Variants in ITGB1 observed in about 807,000 individuals in gnomAD.
ITGB1 encodes integrin subunit beta 1, also known as integrin beta-1.
In ITGB1, 24 loss-of-function variants were observed where a neutral mutation model predicts 86.5. The ratio of observed to expected loss-of-function variants is 0.28; its 90% CI spans 0.20 to 0.39. The LOEUF (loss-of-function observed/expected upper bound fraction) is 0.39. ITGB1 is among the 10% of genes least tolerant of loss of function. The pLI is 1.00. For missense variants in ITGB1, 556 were observed against 946.9 expected (o/e 0.59, Z 5.42); for synonymous variants, 323 against 316.8 (o/e 1.02, Z -0.21).
intron 1 of ITGB1, among the ~76,000 whole-genome samples, chr10:32,956,655 C>T (rs983122295): frequency 2.6e-5 from 4 of 152,150 alleles, no homozygotes; most frequent in Admixed American, 2.6e-4. Flanking sequence ...CTGCAGTGAG[C>T]TGTGATGGCT....
intron 1 of ITGB1, among the ~76,000 whole-genome samples, chr10:32,948,591 G>A (rs550152101): frequency 7.2e-5 from 11 of 152,274 alleles, no homozygotes; most frequent in African/African-American, 2.6e-4. Context: ...GAGGTGATAA[G>A]GTCATGAGGG....
At chr10:32,930,444 A>G (rs1157771315) in intron 3 of ITGB1, among the ~76,000 whole-genome samples, 1 of 152,150 alleles carries the variant, frequency 6.6e-6, no homozygotes, top group Non-Finnish European at 1.5e-5. Context: ...AGCGTCTCAT[A>G]TTATGTGGCA....
At position 32,920,056 on chromosome 10, in the gene ITGB1, T is replaced by C; in HGVS notation, c.1298A>G (p.Asn433Ser). 1 of 1,614,016 alleles carries C rather than the reference T, an allele frequency of 6.2e-7. No individual in the cohort carries two copies. The highest frequency in any genetic ancestry group is 1.7e-5 in the Admixed American group (1 of 60,028). ...EVQFEISITS[N>S]KCPKKDSDSF... is the part of the protein sequence containing the mutation. ...GTCAGAATCCTTTTTTGGACACTTA[T>C]TTGAAGTTATGCTAATTTCAAATTG... Residue 433 changes from asparagine (N) to serine (S), a missense_variant, in exon 11 of 16, where the codon AAT becomes AGT. Asn to Ser is a conservative substitution (Grantham distance 46). This residue lies in a region of ITGB1 where 330 missense variants were observed against 531.5 expected (regional missense o/e 0.62). Transcript: ENST00000302278.
At chr10:32,942,009 T>C (rs1475023124) in intron 1 of ITGB1, among the ~76,000 whole-genome samples, 1 of 151,860 alleles carries the variant, frequency 6.6e-6, no homozygotes, top group Non-Finnish European at 1.5e-5. Context: ...GACATGAGAG[T>C]TGTCATAATC....
At position 32,938,054 on chromosome 10, in the gene ITGB1, C is replaced by G. The variant is rs75854930; in HGVS notation, c.1-2496G>C. 2.8e-3 allele frequency among the ~76,000 whole-genome samples: 421 copies of G among 152,310 alleles called. 3 individuals carry two copies. Among genetic ancestry groups the G allele is most frequent in the Non-Finnish European group, 4.8e-3 (329 of 68,026 alleles). On this transcript the variant is annotated intron_variant, in intron 1 of 15. Transcript: ENST00000302278. ...TGCTCAGCCCAGCAGGCTGTTATGC[C>G]TGAGCTTGCAGTTTTGCTTACATAT...
intron 5 of ITGB1, among the ~76,000 whole-genome samples, chr10:32,926,492 T>A (rs905728719): frequency 1.3e-5 from 2 of 152,136 alleles, no homozygotes; most frequent in African/African-American, 4.8e-5. Flanking sequence ...CTGACCACAG[T>A]GAGTGAGTTC....
chr10:32,942,032 G>C (rs545601510), intron 1 of ITGB1, among the ~76,000 whole-genome samples: 1 of 152,220 alleles, frequency 6.6e-6, no homozygotes, highest in East Asian at 1.9e-4. Flanking sequence ...GGTGCTAACC[G>C]AACTTATGAA....
At chr10:32,951,841 A>T (rs1269330128) in intron 1 of ITGB1, 1 of 152,190 alleles carries the variant, frequency 6.6e-6, no homozygotes, top group East Asian at 1.9e-4. Context: ...TTGTGAGTGG[A>T]GCCAGCAAAA....
intron 13 of ITGB1, 86 bp downstream of exon 13, chr10:32,911,362 G>T: frequency 1.8e-6 from 2 of 1,103,216 alleles, no homozygotes; most frequent in Non-Finnish European, 1.4e-6. Context: ...TTTTAATATT[G>T]GCACTGTTCT....
At chr10:32,909,400 A>T (rs1217631987) in intron 14 of ITGB1, among the ~76,000 whole-genome samples, 1 of 152,206 alleles carries the variant, frequency 6.6e-6, no homozygotes, top group African/African-American at 2.4e-5. Flanking sequence ...AAAACAGAGG[A>T]GAAAAATCCT....
intron 15 of ITGB1, chr10:32,906,421 C>A: frequency 5.0e-6 from 1 of 200,240 alleles, no homozygotes; most frequent in East Asian, 1.8e-4. Flanking sequence ...GAAACCCCAT[C>A]TCTACTAAAA....
intron 13 of ITGB1, among the ~76,000 whole-genome samples, chr10:32,910,917 T>C (rs570291213): frequency 6.6e-6 from 1 of 152,242 alleles, no homozygotes; most frequent in South Asian, 2.1e-4. Flanking sequence ...TTTTGTATTT[T>C]TAGTAGAGAT....
At chr10:32,928,289 T>C (rs1428295130) in intron 4 of ITGB1, 25 bp from the exon 5 acceptor site, 2 of 816,192 alleles carry the variant, frequency 2.5e-6, no homozygotes, top group Middle Eastern at 2.3e-4. Context: ...GATTAGAAAA[T>C]GAAACTTGCC....
chr10:32,930,149 T>C, intron 3 of ITGB1, 105 bp from the exon 4 acceptor site: 1 of 648,842 alleles, frequency 1.5e-6, no homozygotes. Context: ...TCAAATCACA[T>C]CTAATGTACC....
At chr10:32,913,767 C>T (rs2137177859) in intron 11 of ITGB1, among the ~76,000 whole-genome samples, 1 of 152,192 alleles carries the variant, frequency 6.6e-6, no homozygotes, top group East Asian at 1.9e-4. Flanking sequence ...GGAGAACTTC[C>T]CCAACCTAGC....
At chr10:32,920,936 T>A (rs1184232385) in intron 9 of ITGB1, among the ~76,000 whole-genome samples, 1 of 151,022 alleles carries the variant, frequency 6.6e-6, no homozygotes, top group Non-Finnish European at 1.5e-5. Flanking sequence ...TGAGCCAAGA[T>A]CACACCACTG....
chr10:32,935,508 A>C lies in ITGB1; in HGVS notation c.51T>G (p.Cys17Trp). 6.2e-7 allele frequency: 1 copy of C among 1,613,472 alleles called. No individual in the cohort carries two copies. The highest frequency in any genetic ancestry group is 8.5e-7 in the Non-Finnish European group (1 of 1,179,446). Residue 17 changes from cysteine (C) to tryptophan (W), a missense_variant, in exon 2 of 16, where the codon TGT becomes TGG. By Grantham distance (215) the Cys-to-Trp change is radical. Around this residue, in one of 4 missense-constraint regions of ITGB1, gnomAD observed 183 missense variants for 263.9 expected, o/e 0.69. Coordinates refer to ENST00000302278, the MANE Select transcript of ITGB1 (RefSeq NM_002211.4). ...TGTTTTTACCTGTTTGAGCAAACAC[A>C]CAGCAAACTGAACTGATCAGTCCAA... is the stretch of plus-strand genomic sequence containing the variant. ...FWIGLISSVC[C>W]VFAQTDENRC...
intron 1 of ITGB1, among the ~76,000 whole-genome samples, chr10:32,951,150 C>G (rs2095041854): frequency 6.6e-6 from 1 of 152,072 alleles, no homozygotes; most frequent in Non-Finnish European, 1.5e-5. Context: ...AAGAGAAAAT[C>G]TAGATCTCAT....
rs762685966 is a variant in ITGB1, at chr10:32,910,403, T to A, written c.1984A>T (p.Thr662Ser). Residue 662 changes from threonine to serine, a missense_variant, in exon 14 of 16, where the codon ACA becomes TCA. By Grantham distance (58) the Thr-to-Ser change is moderately conservative. This residue lies in a region of ITGB1 where 330 missense variants were observed against 531.5 expected (regional missense o/e 0.62). Transcript: ENST00000302278. ...ATGTTAAAATAGGAACATTCCTGTG[T>A]GCATGTGTCTTTCTTTTCTCCTTTA... is the stretch of plus-strand genomic sequence containing the variant. The part of the protein sequence containing the change: ...FNKGEKKDTC[T>S]QECSYFNITK... 5 of 1,603,442 alleles carry A rather than the reference T, an allele frequency of 3.1e-6. No homozygotes were observed. The Admixed American group carries it at 8.5e-5, about 27-fold the overall frequency.
Sources: gnomAD v4.1 joint callset for allele counts (sites outside exome capture counted in the v4.1 genomes callset) on GRCh38, gnomAD v4.1.1 for gene constraint, gnomAD v4.1.1 regional missense constraint, MANE v1.5 for transcripts, NCBI Gene and HGNC (gene_info 2026-07-23, HGNC 2026-07-21) for gene names.